Variants in SLCO5A1 observed in about 807,000 individuals in gnomAD.
SLCO5A1 encodes solute carrier organic anion transporter family member 5A1, also known as organic anion transporter polypeptide-related protein 4.
SLCO5A1 carries 39 observed loss-of-function variants against 65.1 expected under a neutral mutation model. The observed-to-expected ratio is 0.60, with a 90% CI of 0.46 to 0.78. SLCO5A1 has a LOEUF of 0.78. SLCO5A1 is among the 30% of genes least tolerant of loss of function. The probability of loss-of-function intolerance (pLI) is 0.00; values close to 1 mark genes in which losing one functional copy is unlikely to be tolerated. For synonymous variants in SLCO5A1, 438 were observed against 415.7 expected (o/e 1.05, Z -0.65); for missense variants, 1,029 against 1,069.4 (o/e 0.96, Z 0.53).
chr8:69,758,437 C>A (rs1817615673), intron 3 of SLCO5A1, among the ~76,000 whole-genome samples: 1 of 152,112 alleles, frequency 6.6e-6, no homozygotes, highest in African/African-American at 2.4e-5. Context: ...GCCTCAGCTT[C>A]CCAAAGTGCT....
chr8:69,744,430 T>C (rs1320078957), intron 4 of SLCO5A1, among the ~76,000 whole-genome samples: 1 of 152,188 alleles, frequency 6.6e-6, no homozygotes, highest in Non-Finnish European at 1.5e-5. Context: ...AACTCATCCA[T>C]CAACTTTCAG....
At chr8:69,673,432 G>T (rs1346661372) in intron 9 of SLCO5A1, 106 bp from the exon 10 acceptor site, 2 of 929,236 alleles carry the variant, frequency 2.2e-6, no homozygotes, top group African/African-American at 3.3e-5. Context: ...CCAGTTGAGG[G>T]GAGGGATTTT....
At chr8:69,810,089 G>T (rs564583008) in intron 2 of SLCO5A1, among the ~76,000 whole-genome samples, 11 of 152,290 alleles carry the variant, frequency 7.2e-5, no homozygotes, top group African/African-American at 2.2e-4. Context: ...TGATTTCCAT[G>T]CCAGGACAAA....
intron 2 of SLCO5A1, among the ~76,000 whole-genome samples, chr8:69,825,859 A>G (rs1382745507): frequency 6.6e-6 from 1 of 152,214 alleles, no homozygotes; most frequent in African/African-American, 2.4e-5. Flanking sequence ...TGGAGGCATC[A>G]CACTACCTGA....
rs751573217 is a variant in SLCO5A1 at position 69,705,188 on chromosome 8, C to G, written c.1465G>C (p.Gly489Arg). ...TTCAATTTTTTTATAATGTAGCCTC[C>G]GAGGACAATACCAACACCAGCACTG... is the stretch of plus-strand genomic sequence containing the variant. Reference protein sequence around the residue: ...VPSAGVGIVLGGYIIKKLKLG... With the variant: ...VPSAGVGIVLRGYIIKKLKLG... The change falls in exon 6 of 10, where the codon GGA (glycine) becomes CGA (arginine). Residue 489 changes from glycine (G) to arginine (R), a missense_variant. Transcript: ENST00000260126. 5.0e-6 allele frequency: 8 copies of G among 1,614,048 alleles called. No individual in the cohort carries two copies. In the East Asian group the frequency reaches 1.8e-4, roughly 36 times the overall value.
chr8:69,763,413 G>A (rs1478350518), intron 2 of SLCO5A1, among the ~76,000 whole-genome samples: 2 of 148,544 alleles, frequency 1.3e-5, no homozygotes. Context: ...TCAGGAGTTC[G>A]AGACCAGCCT....
At chr8:69,751,840 C>A (rs1817316685) in intron 4 of SLCO5A1, among the ~76,000 whole-genome samples, 1 of 152,198 alleles carries the variant, frequency 6.6e-6, no homozygotes, top group African/African-American at 2.4e-5. Flanking sequence ...AGCCACTGCA[C>A]CTGGCCAATA....
chr8:69,795,602 A>G (rs1586808964), intron 2 of SLCO5A1, among the ~76,000 whole-genome samples: 2 of 152,156 alleles, frequency 1.3e-5, no homozygotes, highest in African/African-American at 4.8e-5. Flanking sequence ...CTCTCATGGT[A>G]TGGCATTGAG....
intron 5 of SLCO5A1, among the ~76,000 whole-genome samples, chr8:69,710,394 G>A (rs986928317): frequency 1.3e-5 from 2 of 151,998 alleles, no homozygotes; most frequent in African/African-American, 2.4e-5. Context: ...AGCACAAAAA[G>A]GGAAGTTTGG....
At chr8:69,828,583 C>T (rs1336649412) in intron 2 of SLCO5A1, among the ~76,000 whole-genome samples, 1 of 149,814 alleles carries the variant, frequency 6.7e-6, no homozygotes, top group Admixed American at 6.7e-5. Flanking sequence ...GCCTGGGCGA[C>T]AGAGCGAGAC....
intron 2 of SLCO5A1, among the ~76,000 whole-genome samples, chr8:69,778,440 A>T (rs957439864): frequency 2.0e-5 from 3 of 152,108 alleles, no homozygotes; most frequent in African/African-American, 7.2e-5. Flanking sequence ...TAAACATGGT[A>T]TGTAAAATAG....
At chr8:69,713,700 C>G (rs1447390771) in intron 5 of SLCO5A1, 1 of 152,128 alleles carries the variant, frequency 6.6e-6, no homozygotes, top group Non-Finnish European at 1.5e-5. Flanking sequence ...CATAATAACT[C>G]AAAATCATGG....
chr8:69,803,522 T>C (rs1819851359), intron 2 of SLCO5A1, among the ~76,000 whole-genome samples: 1 of 152,060 alleles, frequency 6.6e-6, no homozygotes, highest in Non-Finnish European at 1.5e-5. Flanking sequence ...GCCACTGCAC[T>C]CTGTCTCAAA....
At position 69,831,951 on chromosome 8, in the gene SLCO5A1, G is replaced by A; in HGVS notation, c.723C>T (p.Asn241=). Residue 241 remains asparagine (N), a synonymous_variant, in exon 2 of 10, where the codon AAC becomes AAT. Coordinates refer to ENST00000260126, the MANE Select transcript of SLCO5A1 (RefSeq NM_030958.3). ...CCGGAGGCTCCAAAGTGGCGGTGGA[G>A]TTGCCACCCTGACACAGGCCGTCGT... ...APNDGLCQGG[N]STATLEPPAC... The A allele has an allele frequency of 6.3e-7, 1 of 1,594,690 alleles. No homozygotes were observed.
chr8:69,829,558 G>A (rs1821076154), intron 2 of SLCO5A1, among the ~76,000 whole-genome samples: 1 of 152,154 alleles, frequency 6.6e-6, no homozygotes, highest in South Asian at 2.1e-4. Flanking sequence ...CAGGTCTCTA[G>A]TCCCAGCTAC....
chr8:69,705,555 C>T (rs1814933307), intron 5 of SLCO5A1, among the ~76,000 whole-genome samples: 1 of 152,088 alleles, frequency 6.6e-6, no homozygotes. Flanking sequence ...GGGGGTCAAC[C>T]TCATTACACA....
intron 2 of SLCO5A1, among the ~76,000 whole-genome samples, chr8:69,828,607 A>G (rs573122776): frequency 6.6e-6 from 1 of 151,952 alleles, no homozygotes; most frequent in South Asian, 2.1e-4. Context: ...TCTCAAAAAA[A>G]AAAAGAAAAG....
rs116799767 is a variant in SLCO5A1, at chr8:69,788,871, T to C, written c.908-26996A>G. On this transcript the variant is annotated intron_variant, in intron 2 of 9. Coordinates refer to ENST00000260126, the MANE Select transcript of SLCO5A1 (RefSeq NM_030958.3). ...TATCTTCTCACAAATATGAAAGTCT[T>C]TGCTATTGCAAATGTCTTAGGTTGA... is the stretch of plus-strand genomic sequence containing the variant. Among the ~76,000 whole-genome samples, 1,121 of 152,336 alleles carry C rather than the reference T, an allele frequency of 7.4e-3. 13 individuals carry two copies. Among genetic ancestry groups the C allele is most frequent in the African/African-American group, 0.026 (1,074 of 41,572 alleles).
At chr8:69,740,021 A>G (rs1816729415) in intron 4 of SLCO5A1, among the ~76,000 whole-genome samples, 1 of 152,250 alleles carries the variant, frequency 6.6e-6, no homozygotes, top group Non-Finnish European at 1.5e-5. Context: ...TACTGGTTAT[A>G]TTGAACGGGT....
Sources: gnomAD v4.1 joint callset for allele counts (sites outside exome capture counted in the v4.1 genomes callset) on GRCh38, gnomAD v4.1.1 for gene constraint, MANE v1.5 for transcripts, NCBI Gene and HGNC (gene_info 2026-07-23, HGNC 2026-07-21) for gene names.